The following ATP8A1 variants were observed in gnomAD, a reference collection of about 807,000 sequenced individuals.
The protein encoded by ATP8A1 is phospholipid-transporting ATPase IA.
A neutral mutation model predicts 177.7 loss-of-function variants in ATP8A1; 90 were observed. The observed-to-expected ratio is 0.51, with a 90% CI of 0.43 to 0.60. The LOEUF is 0.60. ATP8A1 is among the 20% of genes least tolerant of loss of function. The probability of loss-of-function intolerance (pLI) is 0.00; values close to 1 mark genes in which losing one functional copy is unlikely to be tolerated. For missense variants in ATP8A1, 1,072 were observed against 1,392.8 expected (o/e 0.77, Z 3.67); for synonymous variants, 493 against 485.9 (o/e 1.01, Z -0.19).
At chr4:42,507,512 A>C (rs1485565171) in intron 22 of ATP8A1, among the ~76,000 whole-genome samples, 1 of 151,940 alleles carries the variant, frequency 6.6e-6, no homozygotes, top group African/African-American at 2.4e-5. Flanking sequence ...CGGATCACTT[A>C]AGGTCAGGAG....
intron 24 of ATP8A1, among the ~76,000 whole-genome samples, chr4:42,487,258 T>C (rs2153189587): frequency 6.6e-6 from 1 of 152,334 alleles, no homozygotes; most frequent in East Asian, 1.9e-4. Context: ...GACAGCTTTG[T>C]TCACCTCAAC....
chr4:42,597,735 C>T (rs572670319), intron 6 of ATP8A1, among the ~76,000 whole-genome samples: 110 of 152,146 alleles, frequency 7.2e-4, no homozygotes, highest in African/African-American at 2.6e-3. Flanking sequence ...TTTTTCTTTT[C>T]TTGGGATAAA....
chr4:42,461,640 C>T (rs1336238838), intron 27 of ATP8A1, among the ~76,000 whole-genome samples: 2 of 152,038 alleles, frequency 1.3e-5, no homozygotes, highest in Admixed American at 6.5e-5. Context: ...TCATCAGCAG[C>T]GTGAGAACAG....
At chr4:42,414,132 C>A (rs1163574026) in intron 36 of ATP8A1, among the ~76,000 whole-genome samples, 1 of 152,234 alleles carries the variant, frequency 6.6e-6, no homozygotes, top group Non-Finnish European at 1.5e-5. Context: ...CACACAAATA[C>A]ATTTACTACA....
In ATP8A1 at chr4:42,411,058, G is replaced by A. The variant is rs776234603; in HGVS notation, c.*1858C>T. On this transcript the variant is annotated 3_prime_UTR_variant, in exon 37 of 37. Coordinates refer to ENST00000381668, the MANE Select transcript of ATP8A1 (RefSeq NM_006095.2). ...ACTGGGACTTCAGAATTTTGAAGAC[G>A]ATCTTAGACTCTTACACCTGTGGTC... The A allele has an allele frequency of 6.6e-6, 1 of 152,084 alleles. No homozygotes were observed. The allele number at this position is 152,084 out of a possible 1,614,324, so 9.4% of individuals were successfully genotyped here. A position where few individuals can be genotyped will look rare whatever the true frequency, so the allele number is the denominator to read the frequency against.
chr4:42,557,533 C>T (rs1730366783), intron 15 of ATP8A1, among the ~76,000 whole-genome samples: 1 of 152,116 alleles, frequency 6.6e-6, no homozygotes. Context: ...GAAGATATGC[C>T]TTATTAATCT....
At chr4:42,466,337 T>C (rs1001169781) in intron 25 of ATP8A1, among the ~76,000 whole-genome samples, 3 of 152,216 alleles carry the variant, frequency 2.0e-5, no homozygotes, top group Non-Finnish European at 4.4e-5. Context: ...TACTATTCTA[T>C]TTAAAAATGA....
Position 42,588,339 on chromosome 4 carries a change from G to A in ATP8A1, c.525-10C>T. 1 of 1,610,994 alleles carries A rather than the reference G, an allele frequency of 6.2e-7. No homozygotes were observed. The highest frequency in any genetic ancestry group is 1.1e-5 in the South Asian group (1 of 90,384). On this transcript the variant is annotated splice_polypyrimidine_tract_variant and intron_variant, in intron 7 of 36. Transcript: ENST00000381668. Reference sequence around the variant, plus strand: ...CATGGCTTGGGGCTCACTGTAGTTTGGAGTTGAGAAGCACAAAGATTTAGT... The same window carrying A: ...CATGGCTTGGGGCTCACTGTAGTTTAGAGTTGAGAAGCACAAAGATTTAGT...
chr4:42,614,001 T>C (rs1736651282), intron 5 of ATP8A1, among the ~76,000 whole-genome samples: 1 of 152,198 alleles, frequency 6.6e-6, no homozygotes, highest in African/African-American at 2.4e-5. Flanking sequence ...TAAGCCCTAA[T>C]ATTTCATTTT....
At chr4:42,558,499 G>GTA (rs1730483204) in intron 15 of ATP8A1, among the ~76,000 whole-genome samples, 1 of 152,164 alleles carries the variant, frequency 6.6e-6, no homozygotes, top group African/African-American at 2.4e-5. Flanking sequence ...ATGATACATT[G>GTA]TAACTACTCA....
Position 42,448,659 on chromosome 4 carries a change from A to T in ATP8A1, c.2897-2015T>A, listed in dbSNP as rs917461332. ...GTGGTCCACCCACCTTGGGCTCCCG[A>T]AGTGCTGGGATTACAGGTGTGAGCT... On this transcript the variant is annotated intron_variant, in intron 30 of 36. Transcript: ENST00000381668. 2.1e-4 allele frequency among the ~76,000 whole-genome samples: 31 copies of T among 151,190 alleles called. 1 individual carries two copies. The highest frequency in any genetic ancestry group is 7.3e-4 in the African/African-American group (30 of 41,184).
intron 15 of ATP8A1, among the ~76,000 whole-genome samples, chr4:42,558,905 T>G (rs969122982): frequency 6.6e-6 from 1 of 152,244 alleles, no homozygotes; most frequent in African/African-American, 2.4e-5. Flanking sequence ...CCGGGTGCAG[T>G]AGCTCACGCC....
chr4:42,631,417 T>C (rs1020924052), intron 1 of ATP8A1, among the ~76,000 whole-genome samples: 1 of 152,160 alleles, frequency 6.6e-6, no homozygotes, highest in African/African-American at 2.4e-5. Context: ...CATAATCAAT[T>C]CAACTCTCCC....
chr4:42,601,373 A>AG (rs554382537), intron 5 of ATP8A1, among the ~76,000 whole-genome samples: 1,985 of 62,022 alleles, frequency 0.032, 41 homozygotes, highest in African/African-American at 0.078. Context: ...TTTTCTGAAA[A>AG]GAAAAAAAAA....
At chr4:42,576,204 T>C (rs1177150677) in intron 12 of ATP8A1, among the ~76,000 whole-genome samples, 1 of 151,834 alleles carries the variant, frequency 6.6e-6, no homozygotes, top group Non-Finnish European at 1.5e-5. Flanking sequence ...AAGATAAAAA[T>C]GTCACGCCTA....
intron 5 of ATP8A1, among the ~76,000 whole-genome samples, chr4:42,614,614 T>C (rs1056089186): frequency 2.0e-5 from 3 of 152,172 alleles, no homozygotes; most frequent in Non-Finnish European, 4.4e-5. Context: ...TTTTGGCTCA[T>C]AAACCTTCAA....
chr4:42,507,215 A>C, intron 22 of ATP8A1, 61 bp from the exon 23 acceptor site: 3 of 1,539,102 alleles, frequency 1.9e-6, no homozygotes, highest in Non-Finnish European at 2.7e-6. Context: ...AAAAACAAAA[A>C]ATTGAAGTGT....
intron 25 of ATP8A1, chr4:42,472,361 T>C (rs921429401): frequency 1.8e-5 from 7 of 399,254 alleles, no homozygotes; most frequent in Non-Finnish European, 3.4e-5. Flanking sequence ...AATTTTGAAT[T>C]CCCAGAGTTT....
At chr4:42,649,946 T>C (rs1740922361) in intron 1 of ATP8A1, among the ~76,000 whole-genome samples, 1 of 152,208 alleles carries the variant, frequency 6.6e-6, no homozygotes, top group African/African-American at 2.4e-5. Flanking sequence ...GGGAGCTTAC[T>C]ACCCGGAGAA....
Sources: gnomAD v4.1 joint callset for allele counts (sites outside exome capture counted in the v4.1 genomes callset) on GRCh38, gnomAD v4.1.1 for gene constraint, MANE v1.5 for transcripts, NCBI Gene and HGNC (gene_info 2026-07-23, HGNC 2026-07-21) for gene names.